The following GRK5 variants were observed in gnomAD, a reference collection of about 807,000 sequenced individuals.
GRK5 encodes g protein-coupled receptor kinase GRK5.
GRK5 carries 40 observed loss-of-function variants against 78.4 expected under a neutral mutation model. The ratio of observed to expected loss-of-function variants is 0.51; its 90% CI spans 0.40 to 0.66. The LOEUF (loss-of-function observed/expected upper bound fraction) is 0.66, where lower values mean the gene tolerates loss of function less well. GRK5 is among the 30% of genes least tolerant of loss of function. GRK5 has a pLI of 0.00. For synonymous variants in GRK5, 289 were observed against 296.8 expected (o/e 0.97, Z 0.27); for missense variants, 598 against 759.9 (o/e 0.79, Z 2.50).
At chr10:119,292,246 T>G (rs1363129063) in intron 1 of GRK5, among the ~76,000 whole-genome samples, 1 of 146,246 alleles carries the variant, frequency 6.8e-6, no homozygotes, top group Non-Finnish European at 1.5e-5. Context: ...CTATTCCTCC[T>G]TCCCCTCCTC....
At position 119,431,381 on chromosome 10, in the gene GRK5, C is replaced by A; in HGVS notation, c.598-6C>A. ...CTGCCACCCTGGTTTCTTTCTTGCA[C>A]TGCAGGTCTGTGCCTGCCAGGTTCG... On this transcript the variant is annotated splice_polypyrimidine_tract_variant and splice_region_variant and intron_variant, in intron 7 of 15. Transcript: ENST00000392870. The surrounding 1 kb of genome is among the most constrained non-coding windows in gnomAD (Gnocchi z 4.8). 1.2e-6 allele frequency: 2 copies of A among 1,611,904 alleles called. No homozygotes were observed. The highest frequency in any genetic ancestry group is 1.7e-6 in the Non-Finnish European group (2 of 1,178,726).
chr10:119,442,142 C>A, intron 11 of GRK5, 54 bp downstream of exon 11: 2 of 1,464,972 alleles, frequency 1.4e-6, no homozygotes, highest in Non-Finnish European at 1.9e-6. Context: ...ACCTGCTCAC[C>A]GCCGGCCGAG....
intron 1 of GRK5, among the ~76,000 whole-genome samples, chr10:119,263,896 C>G (rs1849452251): frequency 6.6e-6 from 1 of 151,916 alleles, no homozygotes; most frequent in Non-Finnish European, 1.5e-5. Context: ...CCACTGCACT[C>G]CAGCCTGGGT....
chr10:119,398,788 G>C (rs913452189), intron 4 of GRK5, among the ~76,000 whole-genome samples: 1 of 152,254 alleles, frequency 6.6e-6, no homozygotes, highest in Non-Finnish European at 1.5e-5. Flanking sequence ...AAGTCTGGGT[G>C]ATTCTAGAGC....
At position 119,455,137 on chromosome 10, in the gene GRK5, G is replaced by C; in HGVS notation, c.*70G>C. On this transcript the variant is annotated 3_prime_UTR_variant, in exon 16 of 16. Coordinates refer to ENST00000392870, the MANE Select transcript of GRK5 (RefSeq NM_005308.3). ...CTTCTCCTTAGAAGTGGAAGTAGTG[G>C]AGCCCCTGCTCTGGTGGGGCTGCCA... 3 of 1,239,598 alleles carry C rather than the reference G, an allele frequency of 2.4e-6. No homozygotes were observed. Among genetic ancestry groups the C allele is most frequent in the Non-Finnish European group, 3.6e-6 (3 of 842,290 alleles). The allele number at this position is 1,239,598 out of a possible 1,614,324, so 76.8% of individuals were successfully genotyped here. A position where few individuals can be genotyped will look rare whatever the true frequency, so the allele number is the denominator to read the frequency against.
At chr10:119,374,747 G>C (rs1851598029) in intron 2 of GRK5, among the ~76,000 whole-genome samples, 1 of 144,146 alleles carries the variant, frequency 6.9e-6, no homozygotes, top group Admixed American at 7.0e-5. Flanking sequence ...GGTGGAGCCT[G>C]GTGGGAGGTG....
Position 119,431,696 on chromosome 10 carries a change from C to T in GRK5, c.738+169C>T, listed in dbSNP as rs74643082. Among the ~76,000 whole-genome samples, 9,149 of 152,336 alleles carry T rather than the reference C, an allele frequency of 0.06. 487 individuals carry two copies. Among genetic ancestry groups the T allele is most frequent in the East Asian group, 0.26 (1,356 of 5,174 alleles). The stretch of plus-strand genomic sequence containing the variant: ...GGCCGCAAGACATTCCTCCATCACA[C>T]GGCCCATTGTGGTCGACTGTGGCTG... On this transcript the variant is annotated intron_variant, in intron 8 of 15. Coordinates refer to ENST00000392870, the MANE Select transcript of GRK5 (RefSeq NM_005308.3). This position sits in a 1 kb window ranked among gnomAD's most constrained non-coding sequence, Gnocchi z 4.8.
intron 2 of GRK5, among the ~76,000 whole-genome samples, chr10:119,376,561 C>CTTTTTT (rs3064490): frequency 9.6e-6 from 1 of 104,362 alleles, no homozygotes; most frequent in Non-Finnish European, 1.9e-5. Flanking sequence ...TCCCTAATGC[C>CTTTTTT]TTTTTTTTTT....
At chr10:119,421,201 C>A (rs1441672511) in intron 4 of GRK5, among the ~76,000 whole-genome samples, 1 of 152,256 alleles carries the variant, frequency 6.6e-6, no homozygotes, top group Admixed American at 6.5e-5. Context: ...GGGTGCCAAG[C>A]CATCGGCTCT....
rs540937714 is a variant in GRK5 at position 119,271,208 on chromosome 10, C to A, written c.53-55308C>A. ...CCTGCCCGGGCCACACGTGTACAGC[C>A]ACATCCTCCACGCCCTTTGGGCGCT... On this transcript the variant is annotated intron_variant, in intron 1 of 15. Transcript: ENST00000392870. The surrounding 1 kb of genome is among the most constrained non-coding windows in gnomAD (Gnocchi z 4.1). Among the ~76,000 whole-genome samples, 8 of 152,310 alleles carry A rather than the reference C, an allele frequency of 5.3e-5. No homozygotes were observed. Among genetic ancestry groups the A allele is most frequent in the Non-Finnish European group, 1.0e-4 (7 of 68,028 alleles).
Position 119,217,741 on chromosome 10 carries a change from C to A in GRK5, c.52+9772C>A, listed in dbSNP as rs1848597337. Among the ~76,000 whole-genome samples, 1 of 152,194 alleles carries A rather than the reference C, an allele frequency of 6.6e-6. No homozygotes were observed. The highest frequency in any genetic ancestry group is 2.1e-4 in the South Asian group (1 of 4,832). The stretch of plus-strand genomic sequence containing the variant: ...GCGGGCATGCCAGTTCCTGCTGGCT[C>A]ACCACACATAGCTCCCATCTGCCCT... On this transcript the variant is annotated intron_variant, in intron 1 of 15. Transcript: ENST00000392870. This position sits in a 1 kb window ranked among gnomAD's most constrained non-coding sequence, Gnocchi z 4.1.
At chr10:119,398,562 A>G (rs1213588643) in intron 4 of GRK5, among the ~76,000 whole-genome samples, 1 of 152,180 alleles carries the variant, frequency 6.6e-6, no homozygotes, top group East Asian at 1.9e-4. Flanking sequence ...CTGTGCCCCC[A>G]TAGGGCTACC....
At chr10:119,421,366 G>A (rs991168875) in intron 4 of GRK5, among the ~76,000 whole-genome samples, 1 of 152,296 alleles carries the variant, frequency 6.6e-6, no homozygotes, top group African/African-American at 2.4e-5. Flanking sequence ...CCCAGTTGTC[G>A]ACTCCCAAAT....
intron 2 of GRK5, among the ~76,000 whole-genome samples, chr10:119,345,020 G>C (rs1036017533): frequency 6.7e-6 from 1 of 149,374 alleles, no homozygotes; most frequent in Non-Finnish European, 1.5e-5. Flanking sequence ...CCAGGCTGGA[G>C]TGCAGTGGCG....
At chr10:119,320,446 G>A (rs1324399969) in intron 1 of GRK5, among the ~76,000 whole-genome samples, 1 of 152,248 alleles carries the variant, frequency 6.6e-6, no homozygotes, top group East Asian at 1.9e-4. Flanking sequence ...ATGAAAATGT[G>A]CTGCATGCGT....
rs575996344 is a variant in GRK5 at position 119,455,534 on chromosome 10, G to T, written c.*467G>T. On this transcript the variant is annotated 3_prime_UTR_variant, in exon 16 of 16. Coordinates refer to ENST00000392870, the MANE Select transcript of GRK5 (RefSeq NM_005308.3). Reference sequence around the variant, plus strand: ...TCCAAGGCATTTTAGCGGGGAGGGGGTTATCAAAAAAAAAAAAATGTGACT... The same window carrying T: ...TCCAAGGCATTTTAGCGGGGAGGGGTTTATCAAAAAAAAAAAAATGTGACT... 2.2e-5 allele frequency: 6 copies of T among 272,502 alleles called. No homozygotes were observed. Among genetic ancestry groups the T allele is most frequent in the African/African-American group, 4.7e-5 (2 of 42,154 alleles). 16.9% of individuals were successfully genotyped at this position (272,502 alleles called of 1,614,324 possible).
chr10:119,395,072 G>T (rs1852022031), intron 3 of GRK5, among the ~76,000 whole-genome samples: 1 of 151,740 alleles, frequency 6.6e-6, no homozygotes, highest in Admixed American at 6.6e-5. Context: ...GGAATCCAGA[G>T]GCCAGCGCGC....
chr10:119,396,606 G>C, intron 3 of GRK5, 89 bp from the exon 4 acceptor site: 3 of 1,129,334 alleles, frequency 2.7e-6, no homozygotes, highest in Non-Finnish European at 4.0e-6. Flanking sequence ...TGGCCTCTAG[G>C]GGATTTCCTC....
At chr10:119,402,428 G>A (rs1213342734) in intron 4 of GRK5, among the ~76,000 whole-genome samples, 1 of 152,184 alleles carries the variant, frequency 6.6e-6, no homozygotes, top group African/African-American at 2.4e-5. Context: ...AAGTGATACA[G>A]GTGACAGGTA....
Sources: gnomAD v4.1 joint callset for allele counts (sites outside exome capture counted in the v4.1 genomes callset) on GRCh38, gnomAD v4.1.1 for gene constraint, Gnocchi (gnomAD v3.1) non-coding constraint, MANE v1.5 for transcripts, NCBI Gene and HGNC (gene_info 2026-07-23, HGNC 2026-07-21) for gene names.